DPP10: variants seen among roughly 807,000 people sequenced by gnomAD.
The protein encoded by DPP10 is dipeptidyl peptidase like 10.
In DPP10, 33 loss-of-function variants were observed where a neutral mutation model predicts 120.9. The ratio of observed to expected loss-of-function variants is 0.27; its 90% CI spans 0.21 to 0.37. The LOEUF (loss-of-function observed/expected upper bound fraction) is 0.37, where lower values mean the gene tolerates loss of function less well. DPP10 is among the 10% of genes least tolerant of loss of function. The pLI, the probability that DPP10 is intolerant of heterozygous loss-of-function variation, is 1.00. For missense variants in DPP10, 816 were observed against 942.8 expected (o/e 0.87, Z 1.76); for synonymous variants, 337 against 326.1 (o/e 1.03, Z -0.36).
chr2:115,830,065 A>G (rs904260211), intron 21 of DPP10, among the ~76,000 whole-genome samples: 2 of 152,174 alleles, frequency 1.3e-5, no homozygotes, highest in African/African-American at 4.8e-5. Context: ...CTTTAAAAAC[A>G]TTAATCACAG....
intron 1 of DPP10, among the ~76,000 whole-genome samples, chr2:115,290,089 A>G (rs998524421): frequency 6.6e-6 from 1 of 152,136 alleles, no homozygotes; most frequent in Non-Finnish European, 1.5e-5. Context: ...ACGTTTGCAA[A>G]CTATACATCC....
chr2:114,712,951 T>C (rs1431939621), intron 1 of DPP10, among the ~76,000 whole-genome samples: 1 of 151,990 alleles, frequency 6.6e-6, no homozygotes, highest in Admixed American at 6.6e-5. Flanking sequence ...CCTTGAGTGC[T>C]TCTAAGTTTT....
Position 115,607,478 on chromosome 2 carries a change from C to T in DPP10, c.441+81506C>T, listed in dbSNP as rs1429230639. ...CGTTTTAGTTATTTTTAGCACAACA[C>T]GAGTCAATAGCATTATGTGGCTACT... On this transcript the variant is annotated intron_variant, in intron 5 of 25. Coordinates refer to ENST00000410059, the MANE Select transcript of DPP10 (RefSeq NM_020868.6). Among the ~76,000 whole-genome samples, 5 of 152,102 alleles carry T rather than the reference C, an allele frequency of 3.3e-5. No individual in the cohort carries two copies. In the South Asian group the frequency reaches 6.2e-4, roughly 19 times the overall value.
chr2:114,610,491 A>C (rs1291540842), intron 1 of DPP10, among the ~76,000 whole-genome samples: 2 of 152,172 alleles, frequency 1.3e-5, no homozygotes, highest in Non-Finnish European at 2.9e-5. Flanking sequence ...ATTCAGAACC[A>C]GGGCTGGGGG....
At chr2:115,341,493 T>C (rs1482877401) in intron 2 of DPP10, among the ~76,000 whole-genome samples, 2 of 152,150 alleles carry the variant, frequency 1.3e-5, no homozygotes, top group Non-Finnish European at 2.9e-5. Context: ...GGATTCACTT[T>C]CCAGTGGATT....
chr2:114,626,237 G>A lies in DPP10; in HGVS notation c.60+183399G>A, dbSNP rs549348959. 8.6e-5 allele frequency among the ~76,000 whole-genome samples: 13 copies of A among 151,792 alleles called. No homozygotes were observed. The South Asian group carries it at 1.7e-3, about 19-fold the overall frequency. On this transcript the variant is annotated intron_variant, in intron 1 of 25. Coordinates refer to ENST00000410059, the MANE Select transcript of DPP10 (RefSeq NM_020868.6). ...ATAATTATCAAAAACACAGTTTATG[G>A]TTTATAGTTCCTGAAGTTTATTTTG... is the stretch of plus-strand genomic sequence containing the variant.
intron 1 of DPP10, among the ~76,000 whole-genome samples, chr2:114,515,053 A>G (rs926426912): frequency 6.6e-6 from 1 of 152,216 alleles, no homozygotes; most frequent in Non-Finnish European, 1.5e-5. Context: ...GCCTCTTCAA[A>G]TAACAGATCT....
At chr2:114,982,633 C>T (rs1234051176) in intron 1 of DPP10, among the ~76,000 whole-genome samples, 1 of 151,216 alleles carries the variant, frequency 6.6e-6, no homozygotes, top group East Asian at 1.9e-4. Context: ...CAAGGTGTCA[C>T]TCTGTCACCC....
At chr2:115,181,344 C>T (rs2054063950) in intron 1 of DPP10, among the ~76,000 whole-genome samples, 1 of 152,142 alleles carries the variant, frequency 6.6e-6, no homozygotes, top group South Asian at 2.1e-4. Context: ...GATTTTATTT[C>T]TCATGATTCT....
chr2:115,815,264 A>C (rs958500294), intron 20 of DPP10, among the ~76,000 whole-genome samples: 1 of 152,220 alleles, frequency 6.6e-6, no homozygotes, highest in Non-Finnish European at 1.5e-5. Flanking sequence ...ATTTGTTTAC[A>C]GGAATCCACA....
intron 5 of DPP10, among the ~76,000 whole-genome samples, chr2:115,528,666 A>C (rs1444052291): frequency 6.6e-6 from 1 of 152,128 alleles, no homozygotes; most frequent in Admixed American, 6.6e-5. Flanking sequence ...CATCCCATGT[A>C]ATAAATATTC....
chr2:115,255,539 G>A (rs564044895), intron 1 of DPP10, among the ~76,000 whole-genome samples: 2 of 152,116 alleles, frequency 1.3e-5, no homozygotes, highest in Admixed American at 1.3e-4. Flanking sequence ...CCCAGAAAAT[G>A]GGGTTTTCTT....
At chr2:115,345,539 G>C (rs910944008) in intron 3 of DPP10, among the ~76,000 whole-genome samples, 5 of 152,078 alleles carry the variant, frequency 3.3e-5, no homozygotes, top group African/African-American at 1.2e-4. Context: ...TGAGTTGTTA[G>C]ATTTGAAATG....
chr2:114,642,789 A>T (rs1364548523), intron 1 of DPP10, among the ~76,000 whole-genome samples: 1 of 151,890 alleles, frequency 6.6e-6, no homozygotes, highest in Admixed American at 6.6e-5. Flanking sequence ...TCATCAACGT[A>T]TTGTTGTAGA....
chr2:115,382,121 G>T (rs989611486), intron 3 of DPP10, among the ~76,000 whole-genome samples: 12 of 152,172 alleles, frequency 7.9e-5, no homozygotes, highest in East Asian at 3.9e-4. Flanking sequence ...GTTTACCTAA[G>T]CAAGCCTGGG....
chr2:114,530,580 C>T (rs975995012), intron 1 of DPP10, among the ~76,000 whole-genome samples: 10 of 152,070 alleles, frequency 6.6e-5, no homozygotes, highest in East Asian at 1.9e-4. Context: ...CCATTTTTCA[C>T]GAGCATCCAC....
intron 3 of DPP10, among the ~76,000 whole-genome samples, chr2:115,445,413 A>G (rs1321814985): frequency 6.6e-6 from 1 of 152,150 alleles, no homozygotes; most frequent in Non-Finnish European, 1.5e-5. Flanking sequence ...AACTTTCTAG[A>G]GACTTGTTGA....
intron 1 of DPP10, among the ~76,000 whole-genome samples, chr2:114,480,287 A>G (rs192213696): frequency 0.012 from 1,762 of 152,016 alleles, 34 homozygotes; most frequent in African/African-American, 0.039. Flanking sequence ...CCCTTGTGGA[A>G]GTCAGTGTGG....
At chr2:114,467,054 G>A (rs962567679) in intron 1 of DPP10, among the ~76,000 whole-genome samples, 17 of 149,848 alleles carry the variant, frequency 1.1e-4, no homozygotes, top group Middle Eastern at 3.5e-3. Flanking sequence ...AAAAAAAAAG[G>A]AAACCTTTAG....
Sources: gnomAD v4.1 joint callset for allele counts (sites outside exome capture counted in the v4.1 genomes callset) on GRCh38, gnomAD v4.1.1 for gene constraint, MANE v1.5 for transcripts, NCBI Gene and HGNC (gene_info 2026-07-23, HGNC 2026-07-21) for gene names.